CDH20: variants seen among roughly 807,000 people sequenced by gnomAD.
CDH20 encodes the protein cadherin 20.
A neutral mutation model predicts 74.2 loss-of-function variants in CDH20; 29 were observed. That is an observed-to-expected ratio of 0.39 (90% CI 0.29 to 0.53). CDH20 has a LOEUF of 0.53. Among genes scored for constraint, CDH20 ranks in the 20% least tolerant of loss-of-function variants. The pLI is 0.69. For synonymous variants in CDH20, 469 were observed against 405.4 expected (o/e 1.16, Z -1.88); for missense variants, 988 against 1,048.3 (o/e 0.94, Z 0.79).
intron 1 of CDH20, among the ~76,000 whole-genome samples, chr18:61,400,598 C>A (rs2144224735): frequency 6.6e-6 from 1 of 152,296 alleles, no homozygotes; most frequent in East Asian, 1.9e-4. Flanking sequence ...GGGAACACAA[C>A]CTCTACCCTC....
chr18:61,489,772 T>A (rs888696386), intron 1 of CDH20, among the ~76,000 whole-genome samples: 16 of 152,058 alleles, frequency 1.1e-4, no homozygotes, highest in Non-Finnish European at 1.8e-4. Flanking sequence ...GCAGCCCCTA[T>A]CAGTGCTTCG....
At chr18:61,401,731 A>G (rs927682461) in intron 1 of CDH20, among the ~76,000 whole-genome samples, 9 of 152,218 alleles carry the variant, frequency 5.9e-5, no homozygotes, top group Non-Finnish European at 8.8e-5. Context: ...TTTTGTTTTT[A>G]TTAATAAATT....
chr18:61,537,338 TA>T (rs1428161936), intron 8 of CDH20, among the ~76,000 whole-genome samples: 2 of 152,152 alleles, frequency 1.3e-5, no homozygotes, highest in Non-Finnish European at 2.9e-5. Flanking sequence ...GTCATCATAT[TA>T]AGGAAATAAT....
chr18:61,469,843 C>T (rs12232752), intron 1 of CDH20, among the ~76,000 whole-genome samples: 21,368 of 152,122 alleles, frequency 0.14, 1,603 homozygotes, highest in East Asian at 0.28. Context: ...GCTTACTACA[C>T]CGAACACGGG....
rs181082486 is a variant in CDH20, at chr18:61,479,835, C to T, written c.-152-10567C>T. ...GCAACTGCTATTCTGGGCCTTCTCC[C>T]TGCCAGTCTCCTTTGTTGGATCCCC... On this transcript the variant is annotated intron_variant, in intron 1 of 11. Transcript: ENST00000262717. 3.3e-4 allele frequency among the ~76,000 whole-genome samples: 51 copies of T among 152,266 alleles called. 1 individual carries two copies. Among genetic ancestry groups the T allele is most frequent in the Middle Eastern group, 3.4e-3 (1 of 294 alleles).
chr18:61,370,859 T>C (rs2144155501), intron 1 of CDH20, among the ~76,000 whole-genome samples: 1 of 152,232 alleles, frequency 6.6e-6, no homozygotes, highest in Middle Eastern at 3.4e-3. Context: ...TTGAAAAGTA[T>C]TCAGTGACAA....
intron 7 of CDH20, among the ~76,000 whole-genome samples, chr18:61,533,047 G>A (rs1330414569): frequency 2.0e-5 from 3 of 152,186 alleles, no homozygotes; most frequent in South Asian, 2.1e-4. Context: ...TTGGGAGATT[G>A]AGGCAGGAAA....
At position 61,385,736 on chromosome 18, in the gene CDH20, G is replaced by GC. The variant is rs748872839; in HGVS notation, c.-153+51910dup. Among the ~76,000 whole-genome samples the GC allele has an allele frequency of 7.9e-5, 12 of 152,006 alleles. No homozygotes were observed. The South Asian group carries it at 1.7e-3, about 21-fold the overall frequency. On this transcript the variant is annotated intron_variant, in intron 1 of 11. Transcript: ENST00000262717. ...TCACAAGGTCAGGAGTTTGAGACCA[G>GC]CTGGCCAACATGGTGAAACCCCATC...
chr18:61,387,461 A>C (rs1306462769), intron 1 of CDH20, among the ~76,000 whole-genome samples: 1 of 152,194 alleles, frequency 6.6e-6, no homozygotes, highest in African/African-American at 2.4e-5. Flanking sequence ...AGGAGCATGT[A>C]TTCACCATTT....
At chr18:61,525,820 T>G (rs903917704) in intron 6 of CDH20, among the ~76,000 whole-genome samples, 3 of 152,106 alleles carry the variant, frequency 2.0e-5, no homozygotes, top group Admixed American at 2.0e-4. Flanking sequence ...TTTAATGTAA[T>G]TTTTTTGAGA....
chr18:61,537,485 CAATAT>C (rs1912853275), intron 8 of CDH20, among the ~76,000 whole-genome samples: 1 of 152,130 alleles, frequency 6.6e-6, no homozygotes, highest in Non-Finnish European at 1.5e-5. Context: ...AGTAAAATGA[CAATAT>C]AATACAGATG....
At chr18:61,541,505 A>T (rs190926647) in intron 9 of CDH20, among the ~76,000 whole-genome samples, 2 of 152,302 alleles carry the variant, frequency 1.3e-5, no homozygotes, top group Non-Finnish European at 2.9e-5. Flanking sequence ...AATCAAACAA[A>T]CATAGTCCCC....
intron 1 of CDH20, among the ~76,000 whole-genome samples, chr18:61,344,900 T>C (rs1485496673): frequency 1.3e-5 from 2 of 152,226 alleles, no homozygotes; most frequent in African/African-American, 4.8e-5. Flanking sequence ...CTTCTGATTA[T>C]GATTATCTCC....
chr18:61,452,719 T>C (rs948846049), intron 1 of CDH20, among the ~76,000 whole-genome samples: 15 of 152,198 alleles, frequency 9.9e-5, no homozygotes, highest in African/African-American at 3.6e-4. Flanking sequence ...ATGACAGCTA[T>C]GTAACACTTG....
chr18:61,440,907 A>G (rs1256943769), intron 1 of CDH20, among the ~76,000 whole-genome samples: 1 of 152,114 alleles, frequency 6.6e-6, no homozygotes, highest in African/African-American at 2.4e-5. Context: ...CAGACTCTCT[A>G]CCTCTTGATG....
chr18:61,489,415 A>G (rs962298315), intron 1 of CDH20, among the ~76,000 whole-genome samples: 3 of 152,064 alleles, frequency 2.0e-5, no homozygotes, highest in Admixed American at 1.3e-4. Flanking sequence ...TGAAAATATT[A>G]AGCCGAAGGA....
At chr18:61,377,481 T>A (rs1189623754) in intron 1 of CDH20, among the ~76,000 whole-genome samples, 1 of 151,988 alleles carries the variant, frequency 6.6e-6, no homozygotes, top group Admixed American at 6.6e-5. Flanking sequence ...GTGGCCAGCC[T>A]CTTAGCCTTC....
chr18:61,402,437 GAA>G (rs970858377), intron 1 of CDH20, among the ~76,000 whole-genome samples: 2 of 150,040 alleles, frequency 1.3e-5, no homozygotes, highest in Non-Finnish European at 3.0e-5. Context: ...TATTCAAGGG[GAA>G]AAAAAAAGGA....
intron 1 of CDH20, among the ~76,000 whole-genome samples, chr18:61,425,054 T>TCC (rs1409986687): frequency 1.2e-4 from 17 of 145,330 alleles, no homozygotes; most frequent in African/African-American, 4.5e-4. Flanking sequence ...TCTCTCTCTC[T>TCC]CTCTCTCTCT....
Sources: gnomAD v4.1 joint callset for allele counts (sites outside exome capture counted in the v4.1 genomes callset) on GRCh38, gnomAD v4.1.1 for gene constraint, MANE v1.5 for transcripts, NCBI Gene and HGNC (gene_info 2026-07-23, HGNC 2026-07-21) for gene names.